ZSWIM6: variants seen among roughly 807,000 people sequenced by gnomAD.
The protein encoded by ZSWIM6 is zinc finger SWIM-type containing 6, also known as zinc finger SWIM domain-containing protein 6.
In ZSWIM6, 9 loss-of-function variants were observed where a neutral mutation model predicts 113.2. The ratio of observed to expected loss-of-function variants is 0.08; its 90% confidence interval spans 0.05 to 0.14. ZSWIM6 has a LOEUF of 0.14. ZSWIM6 is among the 10% of genes least tolerant of loss of function. The pLI is 1.00. For missense variants in ZSWIM6, 1,162 were observed against 1,552.2 expected (o/e 0.75, Z 4.22); for synonymous variants, 611 against 606.5 (o/e 1.01, Z -0.11).
Position 61,440,359 on chromosome 5 carries a change from GT to G in ZSWIM6, c.677-32321del, listed in dbSNP as rs1224862639. On this transcript the variant is annotated intron_variant, in intron 1 of 13. Transcript: ENST00000252744. ...CAGCCTCTTAGTGCTATTCATTGGT[GT>G]AAAAAAAAAAAAAAAAAAAAAAGAT... Among the ~76,000 whole-genome samples the G allele has an allele frequency of 3.9e-5, 3 of 75,980 alleles. No individual in the cohort carries two copies. In the East Asian group the frequency reaches 9.5e-4, roughly 24 times the overall value. 49.8% of individuals were successfully genotyped at this position (75,980 alleles called of 152,430 possible). A position where few individuals can be genotyped will look rare whatever the true frequency, so the allele number is the denominator to read the frequency against.
intron 4 of ZSWIM6, among the ~76,000 whole-genome samples, chr5:61,516,007 G>C (rs1434625033): frequency 6.6e-6 from 1 of 151,440 alleles, no homozygotes; most frequent in Non-Finnish European, 1.5e-5. Flanking sequence ...GTTTTTTCAT[G>C]GTATATCTTT....
At chr5:61,499,253 T>C (rs1748398543) in intron 4 of ZSWIM6, among the ~76,000 whole-genome samples, 1 of 152,196 alleles carries the variant, frequency 6.6e-6, no homozygotes, top group Admixed American at 6.6e-5. Context: ...GGATTGCTTG[T>C]CATCTACCTG....
rs193178240 is a variant in ZSWIM6 at position 61,372,019 on chromosome 5, T to G, written c.676+39071T>G. On this transcript the variant is annotated intron_variant, in intron 1 of 13. Transcript: ENST00000252744. ...TTAATGTCTACAGAAGAGATTTTTT[T>G]TTTTTGTTGATTTATTATCTTTCGG... is the stretch of plus-strand genomic sequence containing the variant. Among the ~76,000 whole-genome samples the G allele has an allele frequency of 9.7e-4, 148 of 152,192 alleles. 1 individual carries two copies. The highest frequency in any genetic ancestry group is 3.4e-3 in the African/African-American group (142 of 41,554).
chr5:61,342,821 A>G (rs1744575666), intron 1 of ZSWIM6, among the ~76,000 whole-genome samples: 1 of 152,106 alleles, frequency 6.6e-6, no homozygotes, highest in Admixed American at 6.6e-5. Flanking sequence ...TGTGTGGTTC[A>G]GCAGTGTTAA....
intron 1 of ZSWIM6, among the ~76,000 whole-genome samples, chr5:61,422,904 G>C (rs1420074184): frequency 1.3e-5 from 2 of 151,988 alleles, no homozygotes; most frequent in Non-Finnish European, 2.9e-5. Context: ...TGTTGATTTT[G>C]TATCATGCAA....
intron 1 of ZSWIM6, among the ~76,000 whole-genome samples, chr5:61,459,788 G>T (rs1747285520): frequency 6.6e-6 from 1 of 152,136 alleles, no homozygotes. Context: ...ATGGATCTCT[G>T]TTGTTGTATT....
chr5:61,413,221 G>A (rs1188738328), intron 1 of ZSWIM6, among the ~76,000 whole-genome samples: 1 of 129,730 alleles, frequency 7.7e-6, no homozygotes, highest in Non-Finnish European at 1.5e-5. Context: ...CCCTTCCTGT[G>A]TCCATGTGTT....
intron 1 of ZSWIM6, among the ~76,000 whole-genome samples, chr5:61,430,832 C>T (rs1746566004): frequency 1.3e-5 from 2 of 152,124 alleles, no homozygotes; most frequent in Admixed American, 1.3e-4. Context: ...GAAGTATTTT[C>T]TGATCTTGAA....
Position 61,392,854 on chromosome 5 carries a change from T to G in ZSWIM6, c.676+59906T>G, listed in dbSNP as rs536932912. Among the ~76,000 whole-genome samples the G allele has an allele frequency of 2.6e-5, 4 of 152,074 alleles. No homozygotes were observed. The South Asian group carries it at 8.3e-4, about 32-fold the overall frequency. Reference sequence around the variant, plus strand: ...CTCGAACTCCCAACCTCAGGTGATCTGCCCACCTCGGCCTCCTAAAGCACT... The same window carrying G: ...CTCGAACTCCCAACCTCAGGTGATCGGCCCACCTCGGCCTCCTAAAGCACT... On this transcript the variant is annotated intron_variant, in intron 1 of 13. Transcript: ENST00000252744.
chr5:61,353,662 A>G lies in ZSWIM6; in HGVS notation c.676+20714A>G, dbSNP rs541703396. 3.9e-5 allele frequency among the ~76,000 whole-genome samples: 6 copies of G among 152,312 alleles called. No individual in the cohort carries two copies. The East Asian group carries it at 1.2e-3, about 29-fold the overall frequency. ...ATGTGTAACCCATTCACGATATAGT[A>G]CCTTCTTGTTCCTTGGAGCTGATAC... is the stretch of plus-strand genomic sequence containing the variant. On this transcript the variant is annotated intron_variant, in intron 1 of 13. Transcript: ENST00000252744.
At chr5:61,513,341 A>G (rs960474302) in intron 4 of ZSWIM6, among the ~76,000 whole-genome samples, 9 of 152,020 alleles carry the variant, frequency 5.9e-5, no homozygotes, top group Non-Finnish European at 1.2e-4. Flanking sequence ...CTCCTTAATG[A>G]GTTTTGAGAG....
intron 1 of ZSWIM6, among the ~76,000 whole-genome samples, chr5:61,400,218 T>C (rs1052522061): frequency 4.6e-5 from 7 of 152,218 alleles, no homozygotes; most frequent in African/African-American, 1.7e-4. Context: ...CCTAATTCTA[T>C]GTTTTTCATT....
chr5:61,375,425 C>T (rs924447238), intron 1 of ZSWIM6: 37 of 1,511,356 alleles, frequency 2.4e-5, no homozygotes, highest in Non-Finnish European at 3.6e-6. Flanking sequence ...GGTAGGTATT[C>T]ATCTTCTTCT....
intron 2 of ZSWIM6, among the ~76,000 whole-genome samples, chr5:61,479,108 C>T (rs1256010455): frequency 2.0e-5 from 3 of 151,562 alleles, no homozygotes; most frequent in Non-Finnish European, 4.4e-5. Flanking sequence ...GAGGCGGAGA[C>T]TGCAGTGAGC....
At chr5:61,377,399 A>T (rs1035843210) in intron 1 of ZSWIM6, among the ~76,000 whole-genome samples, 5 of 150,908 alleles carry the variant, frequency 3.3e-5, no homozygotes, top group Non-Finnish European at 4.5e-5. Flanking sequence ...CTGAAACAAT[A>T]AAAAAAACAA....
At chr5:61,485,565 T>A (rs988673798) in intron 2 of ZSWIM6, among the ~76,000 whole-genome samples, 2 of 152,192 alleles carry the variant, frequency 1.3e-5, no homozygotes, top group Non-Finnish European at 2.9e-5. Context: ...GGTTGTTTAA[T>A]CCAGAAACTC....
intron 1 of ZSWIM6, among the ~76,000 whole-genome samples, chr5:61,387,024 T>C (rs1745604172): frequency 1.3e-5 from 2 of 152,232 alleles, no homozygotes; most frequent in Admixed American, 1.3e-4. Context: ...ATTTATGATA[T>C]TGATAATGAG....
intron 1 of ZSWIM6, among the ~76,000 whole-genome samples, chr5:61,341,105 C>A (rs1053519892): frequency 1.3e-5 from 2 of 152,208 alleles, no homozygotes; most frequent in Non-Finnish European, 2.9e-5. Flanking sequence ...CATGGTCGGC[C>A]TGTGTCTACG....
chr5:61,529,099 C>G (rs1749363272), intron 7 of ZSWIM6, among the ~76,000 whole-genome samples: 1 of 152,130 alleles, frequency 6.6e-6, no homozygotes, highest in African/African-American at 2.4e-5. Flanking sequence ...ATCCCAGCTA[C>G]TTGGGGCTGA....
Sources: gnomAD v4.1 joint callset for allele counts (sites outside exome capture counted in the v4.1 genomes callset) on GRCh38, gnomAD v4.1.1 for gene constraint, MANE v1.5 for transcripts, NCBI Gene and HGNC (gene_info 2026-07-23, HGNC 2026-07-21) for gene names.